The following CNIH3 variants were observed in gnomAD, a reference collection of about 807,000 sequenced individuals.
The protein encoded by CNIH3 is cornichon family AMPA receptor auxiliary protein 3.
In CNIH3, 14 loss-of-function variants were observed where a neutral mutation model predicts 24.1. The observed-to-expected ratio is 0.58, with a 90% confidence interval of 0.38 to 0.91. CNIH3 has a LOEUF of 0.91. CNIH3 is among the 40% of genes least tolerant of loss of function. The pLI is 0.00. For synonymous variants in CNIH3, 68 were observed against 73.8 expected (o/e 0.92, Z 0.40); for missense variants, 178 against 196.8 (o/e 0.90, Z 0.57).
chr1:224,726,354 G>T (rs559389061), intron 3 of CNIH3, among the ~76,000 whole-genome samples: 36 of 152,344 alleles, frequency 2.4e-4, no homozygotes, highest in African/African-American at 8.4e-4. Context: ...GATAAAGTTT[G>T]CAGGTACTGA....
intron 1 of CNIH3, among the ~76,000 whole-genome samples, chr1:224,494,404 T>C (rs1677351840): frequency 6.6e-6 from 1 of 152,202 alleles, no homozygotes; most frequent in Non-Finnish European, 1.5e-5. Context: ...AGAATGTATG[T>C]CAGGCAGAAA....
chr1:224,545,199 G>T (rs186748919), intron 2 of CNIH3, among the ~76,000 whole-genome samples: 1 of 152,224 alleles, frequency 6.6e-6, no homozygotes, highest in African/African-American at 2.4e-5. Flanking sequence ...GGCAATGACT[G>T]TGTAGCTTTT....
intron 1 of CNIH3, chr1:224,435,303 GT>G: frequency 2.5e-6 from 2 of 790,582 alleles, no homozygotes; most frequent in Non-Finnish European, 3.1e-6. Context: ...CAACCTACTT[GT>G]TTTAGGGTGG....
intron 1 of CNIH3, among the ~76,000 whole-genome samples, chr1:224,639,007 G>A (rs1168986587): frequency 2.0e-5 from 3 of 152,192 alleles, no homozygotes; most frequent in Non-Finnish European, 4.4e-5. Flanking sequence ...AAGGTGATAT[G>A]TATCTCTTGC....
intron 1 of CNIH3, among the ~76,000 whole-genome samples, chr1:224,658,904 G>T (rs12032349): frequency 6.6e-6 from 1 of 151,986 alleles, no homozygotes; most frequent in Non-Finnish European, 1.5e-5. Flanking sequence ...TCAATTTGAC[G>T]TTTACATAAA....
chr1:224,462,290 GTGT>G (rs1234275823), intron 1 of CNIH3, among the ~76,000 whole-genome samples: 3 of 152,188 alleles, frequency 2.0e-5, no homozygotes, highest in Non-Finnish European at 4.4e-5. Flanking sequence ...CACCATCGTA[GTGT>G]TGTACAGAGT....
rs539946049 is a variant in CNIH3 at position 224,519,197 on chromosome 1, G to T, written n.16-1803G>T. ...ACTGGGCAATTTATAAATGAAAGAG[G>T]TTTAATTGACTCACAGCACCGCATG... On this transcript the variant is annotated intron_variant and non_coding_transcript_variant, in intron 1 of 2. Transcript: ENST00000470602. Among the ~76,000 whole-genome samples the T allele has an allele frequency of 2.6e-5, 4 of 152,326 alleles. No homozygotes were observed. In the East Asian group the frequency reaches 7.7e-4, roughly 29 times the overall value.
At position 224,684,741 on chromosome 1, in the gene CNIH3, A is replaced by G. The variant is rs3738364; in HGVS notation, c.151-55A>G. 321,505 of 1,531,588 alleles carry G rather than the reference A, an allele frequency of 0.21. 35,100 individuals are homozygous for G. The highest frequency in any genetic ancestry group is 0.36 in the African/African-American group (26,224 of 72,834). The allele number at this position is 1,531,588 out of a possible 1,614,324, so 94.9% of individuals were successfully genotyped here. ...GCTGATTGCGGGGCCTTCTCATGCTATTTTAGCAGAACCCCTAACCTCCCC... is the reference window on the plus strand; with the variant it reads ...GCTGATTGCGGGGCCTTCTCATGCTGTTTTAGCAGAACCCCTAACCTCCCC... On this transcript the variant is annotated intron_variant, in intron 2 of 5. Coordinates refer to ENST00000272133, the MANE Select transcript of CNIH3 (RefSeq NM_152495.2). The surrounding 1 kb of genome is among the most constrained non-coding windows in gnomAD (Gnocchi z 4.2).
At chr1:224,711,324 C>CT (rs561477816) in intron 3 of CNIH3, among the ~76,000 whole-genome samples, 41,129 of 144,616 alleles carry the variant, frequency 0.28, 5,807 homozygotes, top group East Asian at 0.34. Context: ...CTCTCTCTCT[C>CT]TTTTTTTTTT....
upstream of CNIH3, among the ~76,000 whole-genome samples, chr1:224,513,399 C>T (rs1033182515): frequency 2.0e-5 from 3 of 149,744 alleles, no homozygotes; most frequent in Admixed American, 6.7e-5. Flanking sequence ...AGGCTGGTCT[C>T]GAACTCCTGG....
At chr1:224,586,125 A>G (rs1015072896) in intron 5 of CNIH3, among the ~76,000 whole-genome samples, 3 of 152,212 alleles carry the variant, frequency 2.0e-5, no homozygotes, top group African/African-American at 7.2e-5. Flanking sequence ...GGTTCTCCCC[A>G]TGGGATCTGA....
chr1:224,698,800 C>A (rs570228462), intron 3 of CNIH3, among the ~76,000 whole-genome samples: 1 of 152,308 alleles, frequency 6.6e-6, no homozygotes, highest in South Asian at 2.1e-4. Flanking sequence ...GGTTCACTTG[C>A]GGAACTCTGC....
chr1:224,584,801 C>T (rs530029584), intron 5 of CNIH3, among the ~76,000 whole-genome samples: 1 of 152,116 alleles, frequency 6.6e-6, no homozygotes, highest in Non-Finnish European at 1.5e-5. Context: ...TTTCCCCAGA[C>T]TTAGTGTAAG....
chr1:224,737,215 CGG>C (rs1237365203), intron 5 of CNIH3, among the ~76,000 whole-genome samples: 1 of 14,692 alleles, frequency 6.8e-5, no homozygotes, highest in Admixed American at 1.0e-3. Flanking sequence ...TGCTCCGCTG[CGG>C]GGGTGGGAGG....
intron 2 of CNIH3, among the ~76,000 whole-genome samples, chr1:224,528,817 G>A (rs1467631260): frequency 6.6e-6 from 1 of 152,122 alleles, no homozygotes; most frequent in Non-Finnish European, 1.5e-5. Flanking sequence ...TAATGTATTT[G>A]ACAATGTCCC....
chr1:224,507,709 T>G (rs1329206251), intron 1 of CNIH3, among the ~76,000 whole-genome samples: 1 of 152,236 alleles, frequency 6.6e-6, no homozygotes, highest in South Asian at 2.1e-4. Flanking sequence ...GTAGTTGGAT[T>G]CTTGCTGAAC....
At chr1:224,672,692 C>G (rs749472289) in intron 1 of CNIH3, among the ~76,000 whole-genome samples, 2 of 152,156 alleles carry the variant, frequency 1.3e-5, no homozygotes, top group Non-Finnish European at 2.9e-5. Context: ...ATTACACCTG[C>G]AAAGACCCTA....
intron 3 of CNIH3, among the ~76,000 whole-genome samples, chr1:224,594,436 T>C (rs928009370): frequency 6.6e-6 from 1 of 152,200 alleles, no homozygotes; most frequent in African/African-American, 2.4e-5. Flanking sequence ...TACTGTTCTA[T>C]GTTATTTTAT....
At chr1:224,535,340 C>T (rs968954180) in intron 2 of CNIH3, among the ~76,000 whole-genome samples, 5 of 152,188 alleles carry the variant, frequency 3.3e-5, no homozygotes, top group Admixed American at 1.3e-4. Flanking sequence ...AAGGCTCCTC[C>T]CCTGCAGGTT....
Sources: gnomAD v4.1 joint callset for allele counts (sites outside exome capture counted in the v4.1 genomes callset) on GRCh38, gnomAD v4.1.1 for gene constraint, Gnocchi (gnomAD v3.1) non-coding constraint, MANE v1.5 for transcripts, NCBI Gene and HGNC (gene_info 2026-07-23, HGNC 2026-07-21) for gene names.